Variants in ATRX observed in about 807,000 individuals in gnomAD.
The protein encoded by ATRX is chromatin remodeler ATRX.
Under a neutral mutation model 172.6 loss-of-function variants are expected in ATRX, and 12 were observed. That is an observed-to-expected ratio of 0.07 (90% CI 0.04 to 0.11). The LOEUF (loss-of-function observed/expected upper bound fraction) is 0.11. ATRX is among the 10% of genes least tolerant of loss of function. ATRX has a pLI of 1.00. For missense variants in ATRX, 1,368 were observed against 1,767.4 expected, an observed-to-expected ratio of 0.77 and a Z score of 4.05; for synonymous variants, 674 against 594.7, an observed-to-expected ratio of 1.13 and a Z score of -1.94.
chrX:77,667,642 G>A (rs184190922), intron 10 of ATRX, among the ~76,000 whole-genome samples: 3 of 111,176 alleles, frequency 2.7e-5, no homozygotes, highest in Admixed American at 9.6e-5. Flanking sequence ...ACTAAAAAAC[G>A]GAAAGTCACA....
intron 1 of ATRX, among the ~76,000 whole-genome samples, chrX:77,767,090 C>T (rs1557196483): frequency 9.0e-6 from 1 of 111,702 alleles, no homozygotes; most frequent in African/African-American, 3.2e-5. Context: ...TGTGGTGGCG[C>T]GCGCCTGCAA....
intron 10 of ATRX, among the ~76,000 whole-genome samples, chrX:77,669,216 C>T (rs976419546): frequency 8.9e-6 from 1 of 111,830 alleles, no homozygotes; most frequent in Admixed American, 9.5e-5. Context: ...GATCCTAAAT[C>T]CCAATCTGCT....
At chrX:77,643,268 C>A (rs1557111999) in intron 15 of ATRX, among the ~76,000 whole-genome samples, 1 of 111,362 alleles carries the variant, frequency 9.0e-6, no homozygotes. Context: ...TTAAAACACA[C>A]ACACACACAC....
chrX:77,658,619 T>C (rs181127030), intron 12 of ATRX, among the ~76,000 whole-genome samples: 1 of 112,325 alleles, frequency 8.9e-6, no homozygotes, highest in Admixed American at 9.4e-5. Context: ...ATGGTCTCTG[T>C]TGCAACTACT....
At chrX:77,600,763 A>G (rs1183043549) in intron 22 of ATRX, 199 bp from the exon 23 acceptor site, 5 of 364,764 alleles carry the variant, frequency 1.4e-5, no homozygotes, top group Non-Finnish European at 2.3e-5. Flanking sequence ...AATTATCAAA[A>G]TATTAAAGAA....
At chrX:77,509,236 G>T (rs887059034) in intron 34 of ATRX, among the ~76,000 whole-genome samples, 3 of 111,848 alleles carry the variant, frequency 2.7e-5, no homozygotes, top group African/African-American at 6.5e-5. Context: ...CCCTTTTAAA[G>T]AATTATATAA....
chrX:77,763,553 C>G (rs782779228), intron 1 of ATRX, among the ~76,000 whole-genome samples: 6 of 108,772 alleles, frequency 5.5e-5, no homozygotes, highest in Admixed American at 2.9e-4. Flanking sequence ...TCACTGCAAC[C>G]TCCGCCTCCC....
At position 77,696,661 on chromosome X, in the gene ATRX, T is replaced by C. The variant is rs1557149991; in HGVS notation, c.286A>G (p.Lys96Glu). ...TTTACAGTTTCATCATCCAAAGGTT[T>C]TTCATCATCTGATTCTACATACTTT... Reference protein sequence around the residue: ...VTKYVESDDEKPLDDETVNED... With the variant: ...VTKYVESDDEEPLDDETVNED... The change falls in exon 5 of 35, where the codon AAA becomes GAA. Residue 96 changes from lysine to glutamate, a missense_variant. This residue lies in a region of ATRX where 84 missense variants were observed against 82.8 expected (regional missense o/e 1.01). Coordinates refer to ENST00000373344, the MANE Select transcript of ATRX (RefSeq NM_000489.6). 8.3e-7 allele frequency: 1 copy of C among 1,198,690 alleles called. No homozygotes were observed. The highest frequency in any genetic ancestry group is 1.1e-6 in the Non-Finnish European group (1 of 884,146).
intron 30 of ATRX, among the ~76,000 whole-genome samples, chrX:77,555,419 C>T (rs1230367184): frequency 9.0e-6 from 1 of 111,723 alleles, no homozygotes; most frequent in Non-Finnish European, 1.9e-5. Flanking sequence ...ATGTTTATCA[C>T]AGCACTATTT....
chrX:77,709,846 CATA>C (rs2073024040), intron 2 of ATRX, among the ~76,000 whole-genome samples: 1 of 111,368 alleles, frequency 9.0e-6, no homozygotes, highest in Non-Finnish European at 1.9e-5. Flanking sequence ...GTGTAACCAT[CATA>C]TGAACTGCAA....
At chrX:77,606,051 G>A (rs1602773511) in intron 22 of ATRX, among the ~76,000 whole-genome samples, 1 of 110,589 alleles carries the variant, frequency 9.0e-6, no homozygotes, top group African/African-American at 3.3e-5. Flanking sequence ...GAACCAGGAA[G>A]AAATCCAAAA....
chrX:77,623,961 A>G (rs1557101427), intron 19 of ATRX, among the ~76,000 whole-genome samples: 2 of 111,909 alleles, frequency 1.8e-5, no homozygotes, highest in Non-Finnish European at 3.8e-5. Flanking sequence ...GAATGGAGAA[A>G]AGCTGAAAGC....
chrX:77,700,303 A>C (rs2072432142), intron 2 of ATRX, among the ~76,000 whole-genome samples: 1 of 112,315 alleles, frequency 8.9e-6, no homozygotes, highest in Admixed American at 9.5e-5. Flanking sequence ...CATGCCTATT[A>C]GAATAGCCAA....
chrX:77,732,754 G>C (rs1330916948), intron 1 of ATRX, among the ~76,000 whole-genome samples: 1 of 111,449 alleles, frequency 9.0e-6, no homozygotes, highest in Non-Finnish European at 1.9e-5. Context: ...AAAAAAATGG[G>C]TTTAGGAGGA....
At chrX:77,753,318 C>T (rs369790056) in intron 1 of ATRX, among the ~76,000 whole-genome samples, 1 of 111,142 alleles carries the variant, frequency 9.0e-6, no homozygotes, top group East Asian at 2.8e-4. Flanking sequence ...GTGATATCCC[C>T]TTTATCATTC....
At chrX:77,784,707 T>C (rs1361198264) in intron 1 of ATRX, among the ~76,000 whole-genome samples, 1 of 112,161 alleles carries the variant, frequency 8.9e-6, no homozygotes, top group Non-Finnish European at 1.9e-5. Context: ...AACTGAAGCA[T>C]ATCTTTCCCC....
rs2071350568 is a variant in ATRX, at chrX:77,683,184, A to C, written c.2072T>G (p.Leu691Arg). 1 of 1,207,039 alleles carries C rather than the reference A, an allele frequency of 8.3e-7. No individual in the cohort carries two copies. Among genetic ancestry groups the C allele is most frequent in the Non-Finnish European group, 1.1e-6 (1 of 892,759 alleles). ...CNETVKEKQK[L>R]SVPVRKKDKR... Reference sequence around the variant, plus strand: ...ATCCTTTTTTCTCACTGGAACTGATAGTTTTTGTTTCTCCTTAACTGTTTC... The same window carrying C: ...ATCCTTTTTTCTCACTGGAACTGATCGTTTTTGTTTCTCCTTAACTGTTTC... The change falls in exon 9 of 35, where the codon CTA (leucine) becomes CGA (arginine). Residue 691 changes from leucine (L) to arginine (R), a missense_variant. Around this residue, in one of 17 missense-constraint regions of ATRX, gnomAD observed 843 missense variants for 643.1 expected, o/e 1.31. Transcript: ENST00000373344.
chrX:77,778,743 T>C (rs1212392596), intron 1 of ATRX, among the ~76,000 whole-genome samples: 1 of 105,637 alleles, frequency 9.5e-6, no homozygotes, highest in African/African-American at 3.4e-5. Context: ...AAAGGCACAA[T>C]AGTTATACAG....
intron 10 of ATRX, among the ~76,000 whole-genome samples, chrX:77,669,068 C>T (rs2070411090): frequency 9.0e-6 from 1 of 111,532 alleles, no homozygotes; most frequent in African/African-American, 3.3e-5. Context: ...AAAAGCAATA[C>T]AAAATGTTAG....
Sources: gnomAD v4.1 joint callset for allele counts (sites outside exome capture counted in the v4.1 genomes callset) on GRCh38, gnomAD v4.1.1 for gene constraint, gnomAD v4.1.1 regional missense constraint, MANE v1.5 for transcripts, NCBI Gene and HGNC (gene_info 2026-07-23, HGNC 2026-07-21) for gene names.